Variants in DCAF8L2 observed in about 807,000 individuals in gnomAD.
The protein encoded by DCAF8L2 is DDB1- and CUL4-associated factor 8-like protein 2.
For missense variants in DCAF8L2, 430 were observed against 490.7 expected, an observed-to-expected ratio of 0.88 and a Z score of 1.17; for synonymous variants, 200 against 190.9, an observed-to-expected ratio of 1.05 and a Z score of -0.39.
the DCAF8L2 span, among the ~76,000 whole-genome samples, chrX:27,559,261 T>C: frequency 9.0e-6 from 1 of 111,710 alleles, no homozygotes; most frequent in Admixed American, 9.5e-5. Context: ...AAAGAGATGG[T>C]CAGTCTGCCT....
At chrX:27,738,471 TA>T (rs2147331185) in intron 4 of DCAF8L2, among the ~76,000 whole-genome samples, 1 of 111,576 alleles carries the variant, frequency 9.0e-6, no homozygotes, top group East Asian at 2.8e-4. Context: ...CCCTTTTAAA[TA>T]TAGTTAAATT....
intron 1 of DCAF8L2, among the ~76,000 whole-genome samples, chrX:27,613,516 C>T (rs1216578835): frequency 9.0e-6 from 1 of 111,333 alleles, no homozygotes; most frequent in African/African-American, 3.3e-5. Flanking sequence ...GAGAGGGCAT[C>T]CCTGTCTTGT....
At chrX:27,557,684 A>G in the DCAF8L2 span, among the ~76,000 whole-genome samples, 13 of 111,269 alleles carry the variant, frequency 1.2e-4, no homozygotes, top group Admixed American at 8.6e-4. Flanking sequence ...TCAGTGAGAG[A>G]TATGGGCTCT....
intron 4 of DCAF8L2, among the ~76,000 whole-genome samples, chrX:27,734,088 G>A (rs1921380936): frequency 9.0e-6 from 1 of 111,114 alleles, no homozygotes; most frequent in African/African-American, 3.3e-5. Context: ...TAATAATCAA[G>A]GGGGAAAACT....
intron 2 of DCAF8L2, among the ~76,000 whole-genome samples, chrX:27,657,206 T>C (rs760442275): frequency 9.0e-6 from 1 of 110,874 alleles, no homozygotes; most frequent in African/African-American, 3.3e-5. Flanking sequence ...AACCAATATA[T>C]CCTATTAGTT....
chrX:27,688,715 A>G (rs1930600644), intron 3 of DCAF8L2, among the ~76,000 whole-genome samples: 1 of 111,802 alleles, frequency 8.9e-6, no homozygotes, highest in African/African-American at 3.2e-5. Flanking sequence ...AGAAAACTTT[A>G]AAATGTTCAA....
upstream of DCAF8L2, among the ~76,000 whole-genome samples, chrX:27,589,236 G>A (rs1428347951): frequency 9.0e-6 from 1 of 111,492 alleles, no homozygotes; most frequent in Non-Finnish European, 1.9e-5. Flanking sequence ...GTTATAGAGT[G>A]GTCATGGGCT....
intron 1 of DCAF8L2, among the ~76,000 whole-genome samples, chrX:27,598,974 A>AATATATAT (rs1555917080): frequency 3.3e-5 from 3 of 92,210 alleles, no homozygotes; most frequent in African/African-American, 1.3e-4. Context: ...AAAAAAAAAA[A>AATATATAT]ATATATATAT....
At chrX:27,651,072 A>AT (rs1929130694) in intron 2 of DCAF8L2, among the ~76,000 whole-genome samples, 1 of 111,994 alleles carries the variant, frequency 8.9e-6, no homozygotes, top group African/African-American at 3.2e-5. Context: ...TTTGTTTTTA[A>AT]TCCTGTGTAT....
the DCAF8L2 span, among the ~76,000 whole-genome samples, chrX:27,491,936 A>G: frequency 8.9e-6 from 1 of 112,453 alleles, no homozygotes; most frequent in Admixed American, 9.5e-5. Flanking sequence ...TTACATAGCA[A>G]AAAATCATCC....
intron 1 of DCAF8L2, among the ~76,000 whole-genome samples, chrX:27,606,828 A>T (rs888771741): frequency 1.8e-5 from 2 of 111,388 alleles, no homozygotes; most frequent in Non-Finnish European, 3.8e-5. Context: ...AATTAAATTT[A>T]AAAATTTCCT....
chrX:27,528,410 T>C, the DCAF8L2 span, among the ~76,000 whole-genome samples: 8 of 105,094 alleles, frequency 7.6e-5, no homozygotes, highest in African/African-American at 1.0e-4. Flanking sequence ...AGGATTCTTA[T>C]AAAATTCTGT....
intron 3 of DCAF8L2, among the ~76,000 whole-genome samples, chrX:27,695,530 A>G (rs931851816): frequency 9.0e-6 from 1 of 111,701 alleles, no homozygotes. Context: ...GGTATCTTTG[A>G]CAAGCCCTTT....
At chrX:27,670,108 T>C (rs528290092) in intron 2 of DCAF8L2, among the ~76,000 whole-genome samples, 1 of 95,962 alleles carries the variant, frequency 1.0e-5, no homozygotes, top group African/African-American at 3.8e-5. Flanking sequence ...TTTTATAGTG[T>C]TTTTTTTGTT....
chrX:27,647,928 A>G (rs1177233948), intron 2 of DCAF8L2, among the ~76,000 whole-genome samples: 1 of 111,709 alleles, frequency 9.0e-6, no homozygotes, highest in Admixed American at 9.6e-5. Context: ...TGCTACCCAC[A>G]TAGTCCATAA....
chrX:27,571,037 A>G, the DCAF8L2 span, among the ~76,000 whole-genome samples: 1 of 111,962 alleles, frequency 8.9e-6, no homozygotes, highest in Non-Finnish European at 1.9e-5. Flanking sequence ...CCATTTCAAT[A>G]TAAGTCATTT....
intron 3 of DCAF8L2, among the ~76,000 whole-genome samples, chrX:27,693,784 A>T (rs1930796125): frequency 8.9e-6 from 1 of 112,247 alleles, no homozygotes; most frequent in South Asian, 3.7e-4. Flanking sequence ...TAGTTCAACC[A>T]CTGTGGAAAG....
At chrX:27,739,680 T>G (rs1057404149) in intron 4 of DCAF8L2, among the ~76,000 whole-genome samples, 12 of 112,048 alleles carry the variant, frequency 1.1e-4, no homozygotes, top group African/African-American at 3.6e-4. Context: ...TCTCAATGTT[T>G]CGTGGACATT....
At chrX:27,699,409 G>C (rs1005141414) in intron 3 of DCAF8L2, among the ~76,000 whole-genome samples, 12 of 112,065 alleles carry the variant, frequency 1.1e-4, no homozygotes, top group African/African-American at 3.9e-4. Flanking sequence ...ACTCAGGAGA[G>C]AGGAAAGGCC....
Sources: allele counts gnomAD v4.1 joint callset (sites outside exome capture counted in the v4.1 genomes callset), GRCh38; gene constraint gnomAD v4.1.1; transcripts MANE v1.5; gene names NCBI Gene and HGNC (gene_info 2026-07-23, HGNC 2026-07-21).